The following DYNC2H1 variants were observed in gnomAD, a reference collection of about 807,000 sequenced individuals.
DYNC2H1 encodes cytoplasmic dynein 2 heavy chain 1.
Under a neutral mutation model 570.0 loss-of-function variants are expected in DYNC2H1, and 410 were observed. That is an observed-to-expected ratio of 0.72 (90% CI 0.66 to 0.78). The LOEUF (loss-of-function observed/expected upper bound fraction) is 0.78, where lower values mean the gene tolerates loss of function less well. Ranked by LOEUF, DYNC2H1 falls within the 30% of genes least tolerant of loss-of-function variation. The pLI is 0.00. For synonymous variants in DYNC2H1, 1,688 were observed against 1,677.6 expected, an observed-to-expected ratio of 1.01 and a Z score of -0.15; for missense variants, 4,865 against 5,046.4, an observed-to-expected ratio of 0.96 and a Z score of 1.09.
chr11:103,344,649 A>G (rs530527483), intron 82 of DYNC2H1, among the ~76,000 whole-genome samples: 13 of 151,640 alleles, frequency 8.6e-5, no homozygotes, highest in Non-Finnish European at 1.9e-4. Context: ...TAATATAGCA[A>G]CCTCCCCCAA....
chr11:103,242,070 G>A (rs1864443017), intron 63 of DYNC2H1, among the ~76,000 whole-genome samples: 1 of 151,914 alleles, frequency 6.6e-6, no homozygotes, highest in African/African-American at 2.4e-5. Flanking sequence ...TCCTGGGCAT[G>A]TGTTCCAAGA....
intron 83 of DYNC2H1, among the ~76,000 whole-genome samples, chr11:103,372,673 G>A (rs35363769): frequency 0.052 from 7,912 of 152,150 alleles, 384 homozygotes; most frequent in East Asian, 0.19. Context: ...AGGGATATTG[G>A]CCTGTAGTTT....
In DYNC2H1 at chr11:103,265,031, C is replaced by CA. The variant is rs573476471; in HGVS notation, c.10695+5061dup. On this transcript the variant is annotated intron_variant, in intron 70 of 88. Coordinates refer to ENST00000375735, the MANE Select transcript of DYNC2H1 (RefSeq NM_001377.3). ...GCAACTTCAGCAAAGTCTCAGGATA[C>CA]AAAAAAAGGATGAATTCATGTCCTT... 2.2e-4 allele frequency among the ~76,000 whole-genome samples: 34 copies of CA among 152,038 alleles called. No homozygotes were observed. In the East Asian group the frequency reaches 5.6e-3, roughly 25 times the overall value.
intron 84 of DYNC2H1, among the ~76,000 whole-genome samples, chr11:103,422,017 C>G (rs513630): frequency 0.66 from 99,888 of 151,898 alleles, 34,228 homozygotes; most frequent in African/African-American, 0.86. Context: ...TATCACAACT[C>G]ATGCCACAGA....
intron 75 of DYNC2H1, among the ~76,000 whole-genome samples, chr11:103,296,847 A>G (rs1320385126): frequency 6.6e-6 from 1 of 151,540 alleles, no homozygotes; most frequent in Non-Finnish European, 1.5e-5. Flanking sequence ...CTTCTTTCTA[A>G]ACTCAAAATT....
chr11:103,335,668 A>G (rs967331534), intron 82 of DYNC2H1, among the ~76,000 whole-genome samples: 13 of 151,998 alleles, frequency 8.6e-5, no homozygotes, highest in Non-Finnish European at 1.9e-4. Flanking sequence ...CTTCACTTAA[A>G]TCTCTTTTAA....
intron 15 of DYNC2H1, among the ~76,000 whole-genome samples, chr11:103,135,183 A>G (rs192069119): frequency 6.6e-6 from 1 of 152,264 alleles, no homozygotes; most frequent in African/African-American, 2.4e-5. Flanking sequence ...GAAGTTCACA[A>G]AATAAACCAG....
At chr11:103,378,160 TA>T (rs374088544) in intron 83 of DYNC2H1, among the ~76,000 whole-genome samples, 9 of 152,208 alleles carry the variant, frequency 5.9e-5, no homozygotes, top group African/African-American at 2.2e-4. Flanking sequence ...TTATAATTGT[TA>T]TTAATATTAA....
chr11:103,304,140 T>A (rs1420638037), intron 76 of DYNC2H1, among the ~76,000 whole-genome samples: 1 of 152,162 alleles, frequency 6.6e-6, no homozygotes, highest in Non-Finnish European at 1.5e-5. Flanking sequence ...TAATAATGAT[T>A]TTTTAAACAA....
chr11:103,260,911 G>T (rs1865254062), intron 70 of DYNC2H1, among the ~76,000 whole-genome samples: 1 of 149,162 alleles, frequency 6.7e-6, no homozygotes. Context: ...GAGCCTCCAT[G>T]CCCAGCCAGA....
At chr11:103,194,025 T>A (rs908323406) in intron 47 of DYNC2H1, among the ~76,000 whole-genome samples, 2 of 152,172 alleles carry the variant, frequency 1.3e-5, no homozygotes, top group African/African-American at 4.8e-5. Context: ...TATAAAAATC[T>A]TTGCTTACAA....
chr11:103,317,398 G>C (rs1937915318), intron 80 of DYNC2H1, among the ~76,000 whole-genome samples: 1 of 151,296 alleles, frequency 6.6e-6, no homozygotes, highest in African/African-American at 2.4e-5. Context: ...CAGACATCCA[G>C]TGCTTTGGCA....
chr11:103,365,703 A>G (rs1458323143), intron 83 of DYNC2H1, among the ~76,000 whole-genome samples: 1 of 152,132 alleles, frequency 6.6e-6, no homozygotes, highest in African/African-American at 2.4e-5. Flanking sequence ...TACAGGGAAA[A>G]TTTTCTCTCT....
intron 82 of DYNC2H1, among the ~76,000 whole-genome samples, chr11:103,332,005 A>G (rs1938824868): frequency 6.6e-6 from 1 of 151,878 alleles, no homozygotes; most frequent in African/African-American, 2.4e-5. Flanking sequence ...GCTTGCAGTG[A>G]GCCGAGATCG....
chr11:103,215,724 G>A lies in DYNC2H1; in HGVS notation c.8698G>A (p.Gly2900Ser), dbSNP rs1863352680. 1.9e-6 allele frequency: 3 copies of A among 1,604,402 alleles called. No homozygotes were observed. The highest frequency in any genetic ancestry group is 2.6e-6 in the Non-Finnish European group (3 of 1,175,260). The change falls in exon 55 of 89, where the codon GGT (glycine) becomes AGT (serine). Residue 2900 changes from glycine (G) to serine (S), a missense_variant. This residue lies in a region of DYNC2H1 where 2,401 missense variants were observed against 2,454.6 expected (regional missense o/e 0.98). Coordinates refer to ENST00000375735, the MANE Select transcript of DYNC2H1 (RefSeq NM_001377.3). The part of the protein sequence containing the change: ...LLKRQSHLQA[G>S]VSKLNEAKAL... ...GATCAATATTTTATTGATGTAGGCT[G>A]GTGTATCTAAACTAAATGAAGCTAA...
chr11:103,459,883 C>T (rs1944947267), intron 87 of DYNC2H1, among the ~76,000 whole-genome samples: 2 of 138,060 alleles, frequency 1.4e-5, no homozygotes, highest in Non-Finnish European at 3.0e-5. Context: ...ACCCGGGAAG[C>T]GGAGCTTGCA....
At chr11:103,120,659 A>G (rs766205099) in intron 7 of DYNC2H1, 30 bp from the exon 8 acceptor site, 9 of 1,607,254 alleles carry the variant, frequency 5.6e-6, no homozygotes, top group Admixed American at 3.4e-5. Flanking sequence ...AAAAAATACT[A>G]AAGTCTAACA....
rs146763017 is a variant in DYNC2H1 at position 103,302,987 on chromosome 11, A to G, written c.11096-106A>G. ...AAAAACTTTAATGTATTATGAGATTACAACTCACCTGGGTATTCTCTATTA... is the reference window on the plus strand; with the variant it reads ...AAAAACTTTAATGTATTATGAGATTGCAACTCACCTGGGTATTCTCTATTA... On this transcript the variant is annotated intron_variant, in intron 75 of 88. Transcript: ENST00000375735. The G allele has an allele frequency of 6.2e-4, 516 of 825,842 alleles. 1 individual carries two copies. In the African/African-American group the frequency reaches 8.3e-3, roughly 13 times the overall value. 51.2% of individuals were successfully genotyped at this position (825,842 alleles called of 1,614,324 possible).
chr11:103,298,597 A>G (rs1383461149), intron 75 of DYNC2H1, among the ~76,000 whole-genome samples: 1 of 152,116 alleles, frequency 6.6e-6, no homozygotes, highest in Non-Finnish European at 1.5e-5. Context: ...TTACTATTGT[A>G]TGGCTGTATG....
Sources: gnomAD v4.1 joint callset for allele counts (sites outside exome capture counted in the v4.1 genomes callset) on GRCh38, gnomAD v4.1.1 for gene constraint, gnomAD v4.1.1 regional missense constraint, MANE v1.5 for transcripts, NCBI Gene and HGNC (gene_info 2026-07-23, HGNC 2026-07-21) for gene names.